Variants in ENO1 observed in about 807,000 individuals in gnomAD.
The protein encoded by ENO1 is enolase 1, also known as alpha-enolase.
In ENO1, 33 loss-of-function variants were observed where a neutral mutation model predicts 46.3. The ratio of observed to expected loss-of-function variants is 0.71; its 90% CI spans 0.54 to 0.95. ENO1 has a LOEUF of 0.95. Ranked by LOEUF, ENO1 falls within the 40% of genes least tolerant of loss-of-function variation. ENO1 has a pLI of 0.00. For synonymous variants in ENO1, 220 were observed against 216.0 expected (o/e 1.02, Z -0.16); for missense variants, 488 against 553.3 (o/e 0.88, Z 1.18).
chr1:8,871,406 C>T (rs1468565772), intron 3 of ENO1: 1 of 996,282 alleles, frequency 1.0e-6, no homozygotes, highest in Non-Finnish European at 1.2e-6. Flanking sequence ...AGCAGGGCTC[C>T]TATGAGTCAG....
intron 3 of ENO1, 141 bp from the exon 4 acceptor site, chr1:8,870,651 T>TC (rs1325948371): frequency 1.3e-6 from 2 of 1,499,576 alleles, no homozygotes; most frequent in South Asian, 1.3e-5. Flanking sequence ...CTCTCCCCTT[T>TC]CCCCCCAGAA....
chr1:8,862,553 C>T (rs528620648), intron 11 of ENO1, among the ~76,000 whole-genome samples: 2 of 152,168 alleles, frequency 1.3e-5, no homozygotes, highest in South Asian at 2.1e-4. Flanking sequence ...GGGTTAAATG[C>T]GCTGAAACAG....
At chr1:8,872,830 G>C (rs1471976307) in intron 2 of ENO1, among the ~76,000 whole-genome samples, 2 of 151,812 alleles carry the variant, frequency 1.3e-5, no homozygotes, top group Non-Finnish European at 2.9e-5. Context: ...GGATGGATGT[G>C]GGGGGAAGGA....
intron 2 of ENO1, among the ~76,000 whole-genome samples, chr1:8,874,392 T>G (rs1322763204): frequency 1.3e-5 from 2 of 150,820 alleles, no homozygotes; most frequent in Non-Finnish European, 3.0e-5. Flanking sequence ...GCCTGACCAA[T>G]ATGGTGAAAC....
intron 9 of ENO1, 31 bp from the exon 10 acceptor site, chr1:8,863,374 G>A: frequency 6.3e-7 from 1 of 1,594,228 alleles, no homozygotes; most frequent in Non-Finnish European, 8.5e-7. Context: ...CAGATGGCAT[G>A]ATCCCATTTT....
At chr1:8,865,609 T>C in intron 7 of ENO1, 127 bp from the exon 8 acceptor site, 2 of 862,954 alleles carry the variant, frequency 2.3e-6, no homozygotes, top group Non-Finnish European at 3.5e-6. Flanking sequence ...CCAGTAGTTC[T>C]GACATCAGTT....
At chr1:8,868,873 T>TG (rs1266211309) in intron 4 of ENO1, among the ~76,000 whole-genome samples, 3 of 152,106 alleles carry the variant, frequency 2.0e-5, no homozygotes, top group South Asian at 4.2e-4. Context: ...AGATGGGCTT[T>TG]GCCATGTTGC....
intron 3 of ENO1, chr1:8,871,404 T>C (rs1006950): frequency 0.81 from 805,289 of 994,178 alleles, 327,413 homozygotes; most frequent in East Asian, 0.94. Flanking sequence ...AGAGCAGGGC[T>C]CCTATGAGTC....
chr1:8,869,109 G>C (rs1237928696), intron 4 of ENO1, among the ~76,000 whole-genome samples: 1 of 152,168 alleles, frequency 6.6e-6, no homozygotes, highest in Non-Finnish European at 1.5e-5. Context: ...TGCTGTATGA[G>C]CAATTTGGTG....
intron 1 of ENO1, chr1:8,876,395 A>T (rs1013499035): frequency 1.3e-5 from 2 of 152,236 alleles, no homozygotes; most frequent in Non-Finnish European, 1.5e-5. Flanking sequence ...ACATATTTTT[A>T]GATTTAATTT....
intron 4 of ENO1, among the ~76,000 whole-genome samples, chr1:8,869,240 AG>A (rs1250835962): frequency 6.6e-6 from 1 of 152,080 alleles, no homozygotes; most frequent in Non-Finnish European, 1.5e-5. Context: ...AAAAAAAGTC[AG>A]GGGATCCTGC....
chr1:8,872,102 C>G (rs746555317), intron 2 of ENO1, 116 bp from the exon 3 acceptor site: 1 of 815,360 alleles, frequency 1.2e-6, no homozygotes, highest in Non-Finnish European at 2.0e-6. Flanking sequence ...CTTCCTCCTA[C>G]CAGCTGTGTG....
chr1:8,868,619 T>C (rs1642571020), intron 4 of ENO1, among the ~76,000 whole-genome samples: 1 of 152,222 alleles, frequency 6.6e-6, no homozygotes, highest in Admixed American at 6.5e-5. Flanking sequence ...GACTATAAAG[T>C]AACAAAACTG....
chr1:8,863,240 C>A lies in ENO1; in HGVS notation c.1171G>T (p.Gly391Trp). ...GAGGAGACGCTCATTCTTACCTGCC[C>A]AGTGCACAGCCCCACAACCAGGTCA... is the stretch of plus-strand genomic sequence containing the variant. ...IADLVVGLCTGQIKTGAPCRS... is the reference protein window; with the variant it reads ...IADLVVGLCTWQIKTGAPCRS... The change falls in exon 10 of 12, where the codon GGG becomes TGG. Residue 391 changes from glycine (G) to tryptophan (W), a missense_variant. Physicochemically the swap from Gly to Trp is radical, Grantham distance 184 (BLOSUM62 -2). Transcript: ENST00000234590. 1 of 1,614,082 alleles carries A rather than the reference C, an allele frequency of 6.2e-7. No homozygotes were observed. Among genetic ancestry groups the A allele is most frequent in the Non-Finnish European group, 8.5e-7 (1 of 1,180,006 alleles).
At chr1:8,861,994 A>C (rs1642415588) in intron 11 of ENO1, among the ~76,000 whole-genome samples, 1 of 151,952 alleles carries the variant, frequency 6.6e-6, no homozygotes, top group Non-Finnish European at 1.5e-5. Context: ...AAAAATACAA[A>C]ACAATTAGCC....
At chr1:8,865,521 A>C in intron 7 of ENO1, 39 bp from the exon 8 acceptor site, 1 of 1,604,516 alleles carries the variant, frequency 6.2e-7, no homozygotes, top group South Asian at 1.1e-5. Flanking sequence ...GAAAACAGGT[A>C]GGTACAGAGA....
intron 3 of ENO1, chr1:8,871,397 G>C: frequency 1.0e-6 from 1 of 995,406 alleles, no homozygotes; most frequent in Non-Finnish European, 1.2e-6. Context: ...CTGCCACAGA[G>C]CAGGGCTCCT....
At chr1:8,873,546 C>G (rs1642675213) in intron 2 of ENO1, among the ~76,000 whole-genome samples, 1 of 152,234 alleles carries the variant, frequency 6.6e-6, no homozygotes, top group South Asian at 2.1e-4. Context: ...AAGCAAACCA[C>G]TCTTACTGGA....
chr1:8,866,345 C>T lies in ENO1; in HGVS notation c.601G>A (p.Gly201Arg). 6.2e-7 allele frequency: 1 copy of T among 1,614,138 alleles called. No homozygotes were observed. Among genetic ancestry groups the T allele is most frequent in the South Asian group, 1.1e-5 (1 of 91,082 alleles). Reference protein sequence around the residue: ...NLKNVIKEKYGKDATNVGDEG... With the variant: ...NLKNVIKEKYRKDATNVGDEG... ...TCCCCCACATTGGTGGCATCTTTCC[C>T]ATATTTCTCCTTGATGACATTCTTC... The change falls in exon 7 of 12, where the codon GGG (glycine) becomes AGG (arginine). Residue 201 changes from glycine to arginine, a missense_variant. Transcript: ENST00000234590.
Sources: gnomAD v4.1 joint callset for allele counts (sites outside exome capture counted in the v4.1 genomes callset) on GRCh38, gnomAD v4.1.1 for gene constraint, MANE v1.5 for transcripts, NCBI Gene and HGNC (gene_info 2026-07-23, HGNC 2026-07-21) for gene names.